ST3GAL5: variants seen among roughly 807,000 people sequenced by gnomAD.
ST3GAL5 encodes the protein lactosylceramide alpha-2,3-sialyltransferase.
Under a neutral mutation model 46.1 loss-of-function variants are expected in ST3GAL5, and 25 were observed. That is an observed-to-expected ratio of 0.54 (90% CI 0.40 to 0.76). The LOEUF (loss-of-function observed/expected upper bound fraction) is 0.76, where lower values mean the gene tolerates loss of function less well. Among genes scored for constraint, ST3GAL5 ranks in the 30% least tolerant of loss-of-function variants. The pLI is 0.00. For missense variants in ST3GAL5, 431 were observed against 521.2 expected, an observed-to-expected ratio of 0.83 and a Z score of 1.69; for synonymous variants, 182 against 192.7, an observed-to-expected ratio of 0.94 and a Z score of 0.46.
At chr2:85,867,419 G>GA (rs1685403576) in intron 1 of ST3GAL5, among the ~76,000 whole-genome samples, 1 of 152,072 alleles carries the variant, frequency 6.6e-6, no homozygotes. Context: ...TATTGACACT[G>GA]AAAAATATAA....
chr2:85,866,858 A>G (rs1685342069), intron 1 of ST3GAL5, among the ~76,000 whole-genome samples: 1 of 152,248 alleles, frequency 6.6e-6, no homozygotes, highest in Non-Finnish European at 1.5e-5. Flanking sequence ...AAACATCTCG[A>G]ATGGAATGAA....
Position 85,861,153 on chromosome 2 carries a change from T to C in ST3GAL5, c.318+28A>G, listed in dbSNP as rs772640916. ...GAGCATATGCTTGGCAATGTTTTCA[T>C]TTAAACCACACCAATGGGATATCTA... On this transcript the variant is annotated intron_variant, in intron 3 of 6. Coordinates refer to ENST00000638572, the MANE Select transcript of ST3GAL5 (RefSeq NM_003896.4). The C allele has an allele frequency of 1.3e-5, 19 of 1,427,186 alleles. No homozygotes were observed. The highest frequency in any genetic ancestry group is 1.9e-5 in the Non-Finnish European group (19 of 1,011,004). 88.4% of individuals were successfully genotyped at this position (1,427,186 alleles called of 1,614,324 possible). A position where few individuals can be genotyped will look rare whatever the true frequency, so the allele number is the denominator to read the frequency against.
intron 2 of ST3GAL5, among the ~76,000 whole-genome samples, chr2:85,862,651 G>T (rs1020381139): frequency 6.6e-6 from 1 of 152,148 alleles, no homozygotes; most frequent in African/African-American, 2.4e-5. Context: ...TGTGGCTGGC[G>T]CCCAGCATGA....
At chr2:85,844,734 T>A in intron 5 of ST3GAL5, 180 bp from the exon 6 acceptor site, 1 of 755,380 alleles carries the variant, frequency 1.3e-6, no homozygotes, top group Non-Finnish European at 2.2e-6. Flanking sequence ...CTCAAAAAAG[T>A]AACTCTGAAA....
chr2:85,843,420 CT>C (rs1682392199), intron 6 of ST3GAL5, among the ~76,000 whole-genome samples: 1 of 152,186 alleles, frequency 6.6e-6, no homozygotes, highest in African/African-American at 2.4e-5. Flanking sequence ...ACTTTTAAGT[CT>C]TTGCTAAGAA....
chr2:85,869,268 A>G (rs1573676128), intron 1 of ST3GAL5, among the ~76,000 whole-genome samples: 1 of 151,284 alleles, frequency 6.6e-6, no homozygotes, highest in Admixed American at 6.6e-5. Context: ...CTGGTCCCAA[A>G]CTCCTGGCCT....
intron 3 of ST3GAL5, among the ~76,000 whole-genome samples, chr2:85,857,097 A>AAAAAAAAAAAAAAT (rs1558669884): frequency 7.6e-6 from 1 of 132,290 alleles, no homozygotes; most frequent in African/African-American, 2.7e-5. Flanking sequence ...AAAAAAAAAA[A>AAAAAAAAAAAAAAT]TAGGCACGTA....
chr2:85,867,480 C>G, intron 1 of ST3GAL5: 1 of 724,930 alleles, frequency 1.4e-6, no homozygotes, highest in Non-Finnish European at 2.6e-6. Flanking sequence ...TAGTTACCTC[C>G]TGGGATATAT....
intron 3 of ST3GAL5, chr2:85,848,464 C>T: frequency 7.4e-7 from 1 of 1,357,994 alleles, no homozygotes; most frequent in South Asian, 1.2e-5. Flanking sequence ...ACTCCCGCCT[C>T]CCACCCCCAG....
rs1391569992 is a variant in ST3GAL5 at position 85,839,332 on chromosome 2, G to A, written c.*812C>T. On this transcript the variant is annotated 3_prime_UTR_variant, in exon 7 of 7. Coordinates refer to ENST00000638572, the MANE Select transcript of ST3GAL5 (RefSeq NM_003896.4). ...AAAGGGTGTACTCTCCCATGACTCT[G>A]GATAATAGAAGTTTTGTTCTGATTT... 2.6e-5 allele frequency: 4 copies of A among 152,140 alleles called. No homozygotes were observed. The highest frequency in any genetic ancestry group is 5.9e-5 in the Non-Finnish European group (4 of 68,056). The allele number at this position is 152,140 out of a possible 1,614,324, so 9.4% of individuals were successfully genotyped here.
chr2:85,851,819 G>C (rs1683545265), intron 3 of ST3GAL5: 3 of 788,640 alleles, frequency 3.8e-6, no homozygotes, highest in Non-Finnish European at 5.4e-6. Flanking sequence ...AGGCTCACTG[G>C]AAGCCAGGAG....
intron 1 of ST3GAL5, 66 bp downstream of exon 1, chr2:85,888,758 A>G (rs1159645704): frequency 2.2e-5 from 25 of 1,126,356 alleles, no homozygotes; most frequent in Non-Finnish European, 2.6e-5. Context: ...GGGAAGAGAC[A>G]AGTCGCCGCC....
At chr2:85,861,483 A>G (rs1244526404) in intron 2 of ST3GAL5, among the ~76,000 whole-genome samples, 191 bp from the exon 3 acceptor site, 5 of 152,156 alleles carry the variant, frequency 3.3e-5, no homozygotes, top group Non-Finnish European at 5.9e-5. Flanking sequence ...GTCATTTATG[A>G]CTGTCTTTGT....
At position 85,861,217 on chromosome 2, in the gene ST3GAL5, C is replaced by A. The variant is rs758280289; in HGVS notation, c.282G>T (p.Met94Ile). The part of the protein sequence containing the change: ...KLNYTTEECD[M>I]KKMHYVDPDH... The stretch of plus-strand genomic sequence containing the variant: ...CAGGGTCCACATAATGCATTTTTTT[C>A]ATGTCACATTCTTCAGTAGTATAAT... The change falls in exon 3 of 7, where the codon ATG becomes ATT. Residue 94 changes from methionine (M) to isoleucine (I), a missense_variant. Physicochemically the swap from Met to Ile is conservative, Grantham distance 10. Transcript: ENST00000638572. 5 of 1,612,968 alleles carry A rather than the reference C, an allele frequency of 3.1e-6. No homozygotes were observed. The African/African-American group carries it at 6.7e-5, about 22-fold the overall frequency.
At chr2:85,874,545 C>T (rs531352050) in intron 1 of ST3GAL5, among the ~76,000 whole-genome samples, 11 of 152,020 alleles carry the variant, frequency 7.2e-5, no homozygotes, top group Non-Finnish European at 1.2e-4. Context: ...AAGTTGCCTT[C>T]CTTGACCACC....
At chr2:85,877,415 G>C (rs189615186) in intron 1 of ST3GAL5, among the ~76,000 whole-genome samples, 14 of 152,312 alleles carry the variant, frequency 9.2e-5, no homozygotes, top group Admixed American at 5.9e-4. Context: ...GAAAAGTACA[G>C]CCAATTATTT....
At chr2:85,859,021 A>G (rs1016705830) in intron 3 of ST3GAL5, among the ~76,000 whole-genome samples, 2 of 152,304 alleles carry the variant, frequency 1.3e-5, no homozygotes, top group South Asian at 2.1e-4. Context: ...TAAGTTCAAA[A>G]TGATCACAGG....
chr2:85,847,319 T>C, intron 4 of ST3GAL5: 1 of 967,548 alleles, frequency 1.0e-6, no homozygotes. Context: ...GGTCCTTTGC[T>C]GTTTTACTTG....
At chr2:85,882,820 G>GA (rs35093099) in intron 1 of ST3GAL5, among the ~76,000 whole-genome samples, 79,224 of 142,470 alleles carry the variant, frequency 0.56, 22,345 homozygotes, top group East Asian at 0.7. Flanking sequence ...GTGCAACGGA[G>GA]AGAGACTCTG....
Sources: gnomAD v4.1 joint callset for allele counts (sites outside exome capture counted in the v4.1 genomes callset) on GRCh38, gnomAD v4.1.1 for gene constraint, MANE v1.5 for transcripts, NCBI Gene and HGNC (gene_info 2026-07-23, HGNC 2026-07-21) for gene names.